Variants in HOOK3 observed in about 807,000 individuals in gnomAD.
The protein encoded by HOOK3 is hook microtubule tethering protein 3, also known as protein Hook homolog 3.
A neutral mutation model predicts 116.3 loss-of-function variants in HOOK3; 24 were observed. That is an observed-to-expected ratio of 0.21 (90% confidence interval 0.15 to 0.29). HOOK3 has a LOEUF of 0.29. HOOK3 is among the 10% of genes least tolerant of loss of function. The probability of loss-of-function intolerance (pLI) is 1.00; values close to 1 mark genes in which losing one functional copy is unlikely to be tolerated. For missense variants in HOOK3, 632 were observed against 830.2 expected (o/e 0.76, Z 2.93); for synonymous variants, 275 against 283.0 (o/e 0.97, Z 0.28).
chr8:43,018,462 A>G lies in HOOK3; in HGVS notation c.2121A>G (p.Ser707=). The change falls in exon 22 of 22, where the codon TCA becomes TCG. Residue 707 remains serine, a synonymous_variant. Coordinates refer to ENST00000307602, the MANE Select transcript of HOOK3 (RefSeq NM_032410.4). ...RQRQATSSRR[S]YPGHVQPATA... ...GGCAAGCGACCAGCAGCAGAAGATC[A>G]TACCCAGGCCACGTGCAGCCGGCCA... 1 of 1,613,718 alleles carries G rather than the reference A, an allele frequency of 6.2e-7. No individual in the cohort carries two copies. Among genetic ancestry groups the G allele is most frequent in the Non-Finnish European group, 8.5e-7 (1 of 1,179,900 alleles).
intron 3 of HOOK3, among the ~76,000 whole-genome samples, chr8:42,928,461 AAG>A (rs1349159277): frequency 5.3e-5 from 8 of 152,098 alleles, no homozygotes; most frequent in Admixed American, 2.0e-4. Flanking sequence ...AAAAAAAAAA[AAG>A]ATTATTTTTT....
chr8:42,907,947 G>A (rs2130326077), intron 2 of HOOK3, among the ~76,000 whole-genome samples: 1 of 150,802 alleles, frequency 6.6e-6, no homozygotes, highest in East Asian at 1.9e-4. Context: ...AAAACTATTA[G>A]ACCTGGTAAA....
At chr8:42,957,992 G>A (rs547992084) in intron 7 of HOOK3, among the ~76,000 whole-genome samples, 2 of 152,062 alleles carry the variant, frequency 1.3e-5, no homozygotes, top group East Asian at 3.9e-4. Context: ...ACCATGCCCA[G>A]CTAATTTTTT....
chr8:43,030,524 CTT>C lies in HOOK3; in HGVS notation c.*12027_*12028del, dbSNP rs1303777061. 5.2e-5 allele frequency: 9 copies of C among 171,496 alleles called. No individual in the cohort carries two copies. The highest frequency in any genetic ancestry group is 1.2e-4 in the African/African-American group (5 of 42,062). 10.6% of individuals were successfully genotyped at this position (171,496 alleles called of 1,614,324 possible). A position where few individuals can be genotyped will look rare whatever the true frequency, so the allele number is the denominator to read the frequency against. Reference sequence around the variant, plus strand: ...TTGTTAAACAAGTTGTAAATAAAGACTTGTATAAAAATTCAGCCTAGATTTCT... The same window carrying C: ...TTGTTAAACAAGTTGTAAATAAAGACGTATAAAAATTCAGCCTAGATTTCT... On this transcript the variant is annotated 3_prime_UTR_variant, in exon 22 of 22. Transcript: ENST00000307602.
chr8:42,904,355 G>C (rs964025998), intron 1 of HOOK3, among the ~76,000 whole-genome samples: 7 of 148,802 alleles, frequency 4.7e-5, no homozygotes, highest in Non-Finnish European at 7.4e-5. Context: ...TGTCGCCCAG[G>C]CTGGAGTGCA....
chr8:43,018,586 A>AT lies in HOOK3; in HGVS notation c.*94dup. The stretch of plus-strand genomic sequence containing the variant: ...ACATTTCAGGAAACTCAGCCAGCTT[A>AT]TTTTTTGTTTCTCTTCTATGTCAAT... On this transcript the variant is annotated 3_prime_UTR_variant, in exon 22 of 22. Coordinates refer to ENST00000307602, the MANE Select transcript of HOOK3 (RefSeq NM_032410.4). The AT allele has an allele frequency of 7.5e-7, 1 of 1,338,418 alleles. No individual in the cohort carries two copies. Among genetic ancestry groups the AT allele is most frequent in the Non-Finnish European group, 9.9e-7 (1 of 1,012,874 alleles). 82.9% of individuals were successfully genotyped at this position (1,338,418 alleles called of 1,614,324 possible). A position where few individuals can be genotyped will look rare whatever the true frequency, so the allele number is the denominator to read the frequency against.
intron 4 of HOOK3, among the ~76,000 whole-genome samples, chr8:42,933,091 T>A (rs1807902463): frequency 6.6e-6 from 1 of 152,228 alleles, no homozygotes; most frequent in Non-Finnish European, 1.5e-5. Flanking sequence ...TACATTAGGC[T>A]ATCCACCTCA....
intron 4 of HOOK3, among the ~76,000 whole-genome samples, chr8:42,939,783 A>G (rs12015266): frequency 0.048 from 7,055 of 146,672 alleles, 324 homozygotes; most frequent in African/African-American, 0.12. Context: ...GCTGCCGGGC[A>G]GAGGGTCTCC....
chr8:42,996,503 A>G (rs545929236), intron 15 of HOOK3, among the ~76,000 whole-genome samples: 1 of 152,258 alleles, frequency 6.6e-6, no homozygotes, highest in South Asian at 2.1e-4. Context: ...CTTGCTGATT[A>G]CAGGATAATC....
intron 6 of HOOK3, among the ~76,000 whole-genome samples, chr8:42,951,344 G>A (rs1808341949): frequency 6.6e-6 from 1 of 152,198 alleles, no homozygotes. Context: ...TTACAGGCGT[G>A]AGCCACGGCG....
At chr8:42,897,384 G>T in intron 1 of HOOK3, 196 bp downstream of exon 1, 1 of 388,940 alleles carries the variant, frequency 2.6e-6, no homozygotes, top group Non-Finnish European at 4.5e-6. Flanking sequence ...GTTCCGGGCG[G>T]ACCCCGGCCG....
intron 4 of HOOK3, among the ~76,000 whole-genome samples, chr8:42,930,777 C>A (rs938087265): frequency 3.3e-5 from 5 of 152,194 alleles, no homozygotes; most frequent in Non-Finnish European, 5.9e-5. Context: ...CCCTATTACT[C>A]AAGCCCAGAA....
rs565213939 is a variant in HOOK3, at chr8:42,905,327, G to T, written c.58-846G>T. Among the ~76,000 whole-genome samples, 10 of 101,214 alleles carry T rather than the reference G, an allele frequency of 9.9e-5. No homozygotes were observed. In the South Asian group the frequency reaches 1.0e-3, roughly 10 times the overall value. 66.4% of individuals were successfully genotyped at this position (101,214 alleles called of 152,430 possible). On this transcript the variant is annotated intron_variant, in intron 1 of 21. Transcript: ENST00000307602. ...TTTTTTTTTCCTGTTTCTTTTTTTG[G>T]GGGGGGGGGTGCCGTGGTGGAGGGG...
intron 15 of HOOK3, 82 bp downstream of exon 15, chr8:42,986,877 C>G (rs1809058166): frequency 6.9e-7 from 1 of 1,444,606 alleles, no homozygotes. Flanking sequence ...AAAGAACTGG[C>G]AGGGCATGGT....
intron 1 of HOOK3, among the ~76,000 whole-genome samples, chr8:42,897,720 T>A (rs1807053579): frequency 6.6e-6 from 1 of 152,274 alleles, no homozygotes; most frequent in South Asian, 2.1e-4. Context: ...TGGAGGTGTC[T>A]GGGCGTCAAC....
intron 11 of HOOK3, among the ~76,000 whole-genome samples, chr8:42,972,132 C>T (rs1225545250): frequency 6.6e-6 from 1 of 151,966 alleles, no homozygotes; most frequent in Non-Finnish European, 1.5e-5. Context: ...GAGTCTTGTT[C>T]GTTGTGGCAT....
intron 2 of HOOK3, among the ~76,000 whole-genome samples, chr8:42,906,464 T>A (rs1807313285): frequency 6.6e-6 from 1 of 152,186 alleles, no homozygotes; most frequent in Admixed American, 6.5e-5. Flanking sequence ...AGTACTCTAA[T>A]GGTTTTAGCA....
chr8:42,901,832 C>T (rs187588393), intron 1 of HOOK3, among the ~76,000 whole-genome samples: 138 of 152,194 alleles, frequency 9.1e-4, no homozygotes, highest in African/African-American at 3.2e-3. Flanking sequence ...CCTCAGCCTC[C>T]CTAGTAGCTG....
At chr8:43,005,226 T>G (rs544332285) in intron 17 of HOOK3, among the ~76,000 whole-genome samples, 7 of 138,606 alleles carry the variant, frequency 5.1e-5, no homozygotes, top group African/African-American at 1.9e-4. Context: ...TTTTTTTTTT[T>G]TTTTTTTTTT....
Sources: allele counts gnomAD v4.1 joint callset (sites outside exome capture counted in the v4.1 genomes callset), GRCh38; gene constraint gnomAD v4.1.1; transcripts MANE v1.5; gene names NCBI Gene and HGNC (gene_info 2026-07-23, HGNC 2026-07-21).